Variants in ANKFY1 observed in about 807,000 individuals in gnomAD.
ANKFY1 encodes the protein ankyrin repeat and FYVE domain-containing protein 1.
A neutral mutation model predicts 128.3 loss-of-function variants in ANKFY1; 47 were observed. The ratio of observed to expected loss-of-function variants is 0.37; its 90% confidence interval spans 0.29 to 0.47. The LOEUF is 0.47. ANKFY1 is among the 20% of genes least tolerant of loss of function. The pLI is 1.00. For synonymous variants in ANKFY1, 553 were observed against 601.6 expected, an observed-to-expected ratio of 0.92 and a Z score of 1.18; for missense variants, 1,222 against 1,510.6, an observed-to-expected ratio of 0.81 and a Z score of 3.17.
Position 4,167,738 on chromosome 17 carries a change from G to C in ANKFY1, c.*41C>G, listed in dbSNP as rs921802319. 6.4e-7 allele frequency: 1 copy of C among 1,574,470 alleles called. No homozygotes were observed. The highest frequency in any genetic ancestry group is 8.6e-7 in the Non-Finnish European group (1 of 1,156,786). ...GCTGGTGAGCAGAGCAGCTGCTGGG[G>C]AGGTGACCAAGGACGTGGCCTGGAC... is the stretch of plus-strand genomic sequence containing the variant. On this transcript the variant is annotated 3_prime_UTR_variant, in exon 25 of 25. Coordinates refer to ENST00000341657, the MANE Select transcript of ANKFY1 (RefSeq NM_001330063.2). This position sits in a 1 kb window ranked among gnomAD's most constrained non-coding sequence, Gnocchi z 4.1.
chr17:4,209,632 G>C (rs545311011), intron 5 of ANKFY1, among the ~76,000 whole-genome samples, 192 bp downstream of exon 5: 1 of 152,166 alleles, frequency 6.6e-6, no homozygotes, highest in South Asian at 2.1e-4. Context: ...CTTTGGCTCC[G>C]AAATCACAGA....
chr17:4,195,600 A>G lies in ANKFY1; in HGVS notation c.1104-129T>C, dbSNP rs561300265. On this transcript the variant is annotated intron_variant, in intron 8 of 24. Coordinates refer to ENST00000341657, the MANE Select transcript of ANKFY1 (RefSeq NM_001330063.2). ...AATCCCACATTTCTACAAGGCTTCT[A>G]AAACCATGACCCAGTATCAAAACCT... 6.5e-5 allele frequency: 48 copies of G among 743,268 alleles called. 1 individual carries two copies. Among genetic ancestry groups the G allele is most frequent in the African/African-American group, 4.9e-4 (28 of 57,550 alleles). 46.0% of individuals were successfully genotyped at this position (743,268 alleles called of 1,614,324 possible).
chr17:4,250,381 G>A (rs1164833431), intron 1 of ANKFY1, among the ~76,000 whole-genome samples: 2 of 152,162 alleles, frequency 1.3e-5, no homozygotes, highest in African/African-American at 4.8e-5. Context: ...GGTTACCAAT[G>A]TACGGGCTAT....
intron 4 of ANKFY1, among the ~76,000 whole-genome samples, chr17:4,211,766 A>T (rs1431742087): frequency 6.6e-6 from 1 of 152,118 alleles, no homozygotes; most frequent in East Asian, 1.9e-4. Flanking sequence ...GCTACTCAGG[A>T]GGCTGAAGTA....
At chr17:4,177,053 A>G in intron 19 of ANKFY1, 73 bp downstream of exon 19, 1 of 1,398,680 alleles carries the variant, frequency 7.1e-7, no homozygotes, top group Non-Finnish European at 9.5e-7. Flanking sequence ...AGCACCTGTG[A>G]TGAGATTCTG....
intron 2 of ANKFY1, among the ~76,000 whole-genome samples, chr17:4,241,994 C>G (rs1567972441): frequency 6.7e-6 from 1 of 149,868 alleles, no homozygotes; most frequent in African/African-American, 2.5e-5. Context: ...GAGGCTGAGG[C>G]AAGAGAATCA....
At position 4,165,178 on chromosome 17, in the gene ANKFY1, AAAC is replaced by A. The variant is rs1039570662; in HGVS notation, c.*2598_*2600del. 2 of 152,366 alleles carry A rather than the reference AAAC, an allele frequency of 1.3e-5. No homozygotes were observed. The highest frequency in any genetic ancestry group is 2.9e-5 in the Non-Finnish European group (2 of 68,038). The allele number at this position is 152,366 out of a possible 1,614,324, so 9.4% of individuals were successfully genotyped here. On this transcript the variant is annotated 3_prime_UTR_variant, in exon 25 of 25. Coordinates refer to ENST00000341657, the MANE Select transcript of ANKFY1 (RefSeq NM_001330063.2). ...CACATGGTCCGTACCTTTGTTTTAA[AAAC>A]AACGACAACAAAAGACTGTTAGGAA... is the stretch of plus-strand genomic sequence containing the variant.
chr17:4,259,298 A>T (rs976094032), intron 1 of ANKFY1, among the ~76,000 whole-genome samples: 15 of 152,064 alleles, frequency 9.9e-5, no homozygotes, highest in African/African-American at 3.6e-4. Flanking sequence ...TATTATTATT[A>T]TTTTTTGAGA....
intron 4 of ANKFY1, chr17:4,216,480 G>A (rs1331258286): frequency 5.7e-6 from 1 of 176,892 alleles, no homozygotes; most frequent in East Asian, 1.3e-4. Flanking sequence ...AACACAGCAT[G>A]CTATCTCCTT....
chr17:4,199,549 G>C (rs2059889476), intron 7 of ANKFY1, among the ~76,000 whole-genome samples: 1 of 152,088 alleles, frequency 6.6e-6, no homozygotes, highest in African/African-American at 2.4e-5. Context: ...TGCTCTGTAG[G>C]AGTGAAAAAA....
At chr17:4,185,965 C>G (rs1332061382) in intron 11 of ANKFY1, among the ~76,000 whole-genome samples, 3 of 152,072 alleles carry the variant, frequency 2.0e-5, no homozygotes, top group African/African-American at 7.2e-5. Context: ...TGATCAAGAC[C>G]TCCTTCTCCT....
At chr17:4,225,977 G>A (rs1480598044) in intron 3 of ANKFY1, among the ~76,000 whole-genome samples, 1 of 152,056 alleles carries the variant, frequency 6.6e-6, no homozygotes, top group African/African-American at 2.4e-5. Context: ...TGCCCAGGCT[G>A]GTCTCAAACT....
chr17:4,244,932 CA>C (rs1414489483), intron 1 of ANKFY1, among the ~76,000 whole-genome samples: 5 of 152,094 alleles, frequency 3.3e-5, no homozygotes, highest in African/African-American at 1.2e-4. Flanking sequence ...TCAGCCCCGC[CA>C]TCTCTAGCTA....
chr17:4,234,303 C>T (rs931276209), intron 3 of ANKFY1, among the ~76,000 whole-genome samples: 9 of 152,148 alleles, frequency 5.9e-5, no homozygotes, highest in Admixed American at 5.2e-4. Flanking sequence ...AATATTAATA[C>T]TAGAATTAAA....
chr17:4,206,144 T>C (rs1598073468), intron 7 of ANKFY1, among the ~76,000 whole-genome samples, 177 bp downstream of exon 7: 1 of 152,360 alleles, frequency 6.6e-6, no homozygotes, highest in East Asian at 1.9e-4. Flanking sequence ...TAACACGGCA[T>C]AGGCAACAGC....
chr17:4,187,314 T>A, intron 11 of ANKFY1: 1 of 398,698 alleles, frequency 2.5e-6, no homozygotes, highest in Non-Finnish European at 4.4e-6. Flanking sequence ...AAATGCAGTG[T>A]GAGAGGACAG....
chr17:4,232,581 C>G (rs1838249634), intron 3 of ANKFY1, among the ~76,000 whole-genome samples: 1 of 152,156 alleles, frequency 6.6e-6, no homozygotes, highest in Admixed American at 6.5e-5. Flanking sequence ...GAAAGCAAAC[C>G]TTATAGTAGA....
chr17:4,242,472 G>C lies in ANKFY1; in HGVS notation c.11-24C>G, dbSNP rs373138244. 3.3e-6 allele frequency: 5 copies of C among 1,516,716 alleles called. No individual in the cohort carries two copies. The Middle Eastern group carries it at 7.1e-4, about 215-fold the overall frequency. The allele number at this position is 1,516,716 out of a possible 1,614,324, so 94.0% of individuals were successfully genotyped here. A position where few individuals can be genotyped will look rare whatever the true frequency, so the allele number is the denominator to read the frequency against. On this transcript the variant is annotated intron_variant, in intron 1 of 24. Coordinates refer to ENST00000341657, the MANE Select transcript of ANKFY1 (RefSeq NM_001330063.2). Reference sequence around the variant, plus strand: ...CTCTGCAAGGAAAACGAAGAATCAAGTTCACCGTGGCTGCTGGAAAGCAGG... The same window carrying C: ...CTCTGCAAGGAAAACGAAGAATCAACTTCACCGTGGCTGCTGGAAAGCAGG...
chr17:4,182,129 G>T, intron 15 of ANKFY1, 52 bp downstream of exon 15: 1 of 1,380,882 alleles, frequency 7.2e-7, no homozygotes. Context: ...ATCCATCTCT[G>T]ACACAACATA....
Sources: allele counts gnomAD v4.1 joint callset (sites outside exome capture counted in the v4.1 genomes callset), GRCh38; gene constraint gnomAD v4.1.1; non-coding constraint Gnocchi (gnomAD v3.1); transcripts MANE v1.5; gene names NCBI Gene and HGNC (gene_info 2026-07-23, HGNC 2026-07-21).